Variants in MYO9A observed in about 807,000 individuals in gnomAD.
The protein encoded by MYO9A is myosin IXA.
A neutral mutation model predicts 293.3 loss-of-function variants in MYO9A; 103 were observed. The observed-to-expected ratio is 0.35, with a 90% CI of 0.30 to 0.41. The LOEUF (loss-of-function observed/expected upper bound fraction) is 0.41, where lower values mean the gene tolerates loss of function less well. Ranked by LOEUF, MYO9A falls within the 10% of genes least tolerant of loss-of-function variation. The pLI is 1.00. For missense variants in MYO9A, 2,685 were observed against 3,033.0 expected, an observed-to-expected ratio of 0.89 and a Z score of 2.69; for synonymous variants, 1,001 against 1,035.7, an observed-to-expected ratio of 0.97 and a Z score of 0.64.
chr15:71,855,823 ATC>A (rs1297862263), intron 34 of MYO9A, among the ~76,000 whole-genome samples: 1 of 152,206 alleles, frequency 6.6e-6, no homozygotes, highest in Non-Finnish European at 1.5e-5. Flanking sequence ...AGTATATATA[ATC>A]TGTTTTATTA....
At chr15:71,933,899 A>G (rs1227233700) in intron 17 of MYO9A, among the ~76,000 whole-genome samples, 190 bp from the exon 18 acceptor site, 1 of 152,148 alleles carries the variant, frequency 6.6e-6, no homozygotes, top group African/African-American at 2.4e-5. Context: ...GGAAGAATAA[A>G]CAAGGAAAAG....
In MYO9A at chr15:71,991,188, T is replaced by C; in HGVS notation, c.1637A>G (p.Asn546Ser). The change falls in exon 11 of 42, where the codon AAT (asparagine) becomes AGT (serine). Residue 546 changes from asparagine (N) to serine (S), a missense_variant. Around this residue, in one of 10 missense-constraint regions of MYO9A, gnomAD observed 201 missense variants for 245.2 expected, o/e 0.82. Coordinates refer to ENST00000356056, the MANE Select transcript of MYO9A (RefSeq NM_006901.4). ...LDIFGFEDYE[N>S]NSFEQFCINF... is the part of the protein sequence containing the mutation. ...AATACAGAACTGTTCAAAGCTGTTA[T>C]TTTCATAATCTTCAAACCCAAAAAT... 1.2e-6 allele frequency: 2 copies of C among 1,609,568 alleles called. No homozygotes were observed. Among genetic ancestry groups the C allele is most frequent in the African/African-American group, 1.3e-5 (1 of 74,912 alleles).
At chr15:71,984,261 T>C (rs1330329987) in intron 11 of MYO9A, among the ~76,000 whole-genome samples, 1 of 152,250 alleles carries the variant, frequency 6.6e-6, no homozygotes, top group African/African-American at 2.4e-5. Context: ...CAAGTTATGA[T>C]GCTTGGTAGT....
chr15:71,907,776 C>G (rs1012858594), intron 19 of MYO9A, among the ~76,000 whole-genome samples: 12 of 152,076 alleles, frequency 7.9e-5, no homozygotes, highest in African/African-American at 2.7e-4. Flanking sequence ...CCTTCACCCG[C>G]TTTTTGATGG....
intron 39 of MYO9A, among the ~76,000 whole-genome samples, chr15:71,840,867 G>C (rs1414506972): frequency 6.6e-6 from 1 of 152,182 alleles, no homozygotes; most frequent in Non-Finnish European, 1.5e-5. Flanking sequence ...TCCTGACCTC[G>C]TGATCCGCCC....
At chr15:72,035,181 GAAC>G (rs2078005020) in intron 2 of MYO9A, among the ~76,000 whole-genome samples, 2 of 152,240 alleles carry the variant, frequency 1.3e-5, no homozygotes, top group Admixed American at 6.5e-5. Flanking sequence ...CAAAATGGTA[GAAC>G]AACTCTGGAA....
chr15:71,855,902 T>C (rs147652736), intron 34 of MYO9A, among the ~76,000 whole-genome samples: 179 of 152,338 alleles, frequency 1.2e-3, no homozygotes, highest in African/African-American at 3.8e-3. Flanking sequence ...TTGAGTCTCA[T>C]ACTCAAGAAC....
intron 6 of MYO9A, 53 bp downstream of exon 6, chr15:72,018,986 C>T (rs1350760635): frequency 7.1e-7 from 1 of 1,413,068 alleles, no homozygotes; most frequent in Non-Finnish European, 1.0e-6. Context: ...TGCAAATGCG[C>T]AATGTGAGGA....
rs752140410 is a variant in MYO9A at position 71,825,094 on chromosome 15, T to TATCTC, written c.*1481_*1485dup. ...TTTAAAAATAAACATTTCACATACT[T>TATCTC]ATCTCAAGAAAGGCTATCATGTTTC... is the stretch of plus-strand genomic sequence containing the variant. On this transcript the variant is annotated 3_prime_UTR_variant, in exon 42 of 42. Coordinates refer to ENST00000356056, the MANE Select transcript of MYO9A (RefSeq NM_006901.4). 1 of 152,214 alleles carries TATCTC rather than the reference T, an allele frequency of 6.6e-6. No individual in the cohort carries two copies. Among genetic ancestry groups the TATCTC allele is most frequent in the Admixed American group, 6.5e-5 (1 of 15,286 alleles). 9.4% of individuals were successfully genotyped at this position (152,214 alleles called of 1,614,324 possible). A position where few individuals can be genotyped will look rare whatever the true frequency, so the allele number is the denominator to read the frequency against.
chr15:71,840,371 C>T (rs558046116), intron 39 of MYO9A, among the ~76,000 whole-genome samples: 2 of 152,156 alleles, frequency 1.3e-5, no homozygotes, highest in South Asian at 2.1e-4. Flanking sequence ...GGCTCCCACA[C>T]GAGGATGATC....
At chr15:71,975,533 T>G (rs1256441422) in intron 12 of MYO9A, among the ~76,000 whole-genome samples, 1 of 151,416 alleles carries the variant, frequency 6.6e-6, no homozygotes, top group South Asian at 2.1e-4. Context: ...GTCACAGGAG[T>G]GCTTTAGGTC....
At chr15:72,025,832 C>A (rs1226253381) in intron 4 of MYO9A, among the ~76,000 whole-genome samples, 1 of 152,062 alleles carries the variant, frequency 6.6e-6, no homozygotes, top group African/African-American at 2.4e-5. Flanking sequence ...ACACTCCAGT[C>A]AACATAAGGA....
chr15:72,000,770 G>A (rs534629917), intron 8 of MYO9A, among the ~76,000 whole-genome samples: 1 of 152,156 alleles, frequency 6.6e-6, no homozygotes, highest in Non-Finnish European at 1.5e-5. Context: ...CTCCCAAGCA[G>A]CTGGGACTAC....
chr15:71,911,558 T>C (rs1411295980), intron 19 of MYO9A, among the ~76,000 whole-genome samples: 9 of 152,158 alleles, frequency 5.9e-5, no homozygotes, highest in African/African-American at 2.2e-4. Context: ...AGTAGCAGCT[T>C]TACCAGTAAG....
Position 72,046,243 on chromosome 15 carries a change from C to T in MYO9A, c.321G>A (p.Leu107=), listed in dbSNP as rs895150999. The T allele has an allele frequency of 3.1e-6, 5 of 1,613,744 alleles. No homozygotes were observed. The African/African-American group carries it at 6.7e-5, about 22-fold the overall frequency. ...RLSGEDYRFL[L]REKNLDGSIH... is the part of the protein sequence containing the mutation. ...TTGATCCATCAAGGTTTTTCTCTCT[C>T]AGAAGGAAGCGGTAGTCCTCTCCAC... Residue 107 remains leucine, a synonymous_variant, in exon 2 of 42, where the codon CTG becomes CTA. Coordinates refer to ENST00000356056, the MANE Select transcript of MYO9A (RefSeq NM_006901.4).
chr15:72,085,084 G>A (rs2079673009), intron 1 of MYO9A, among the ~76,000 whole-genome samples: 1 of 152,088 alleles, frequency 6.6e-6, no homozygotes, highest in African/African-American at 2.4e-5. Flanking sequence ...TCCTCAGCTT[G>A]ACCTATTCTG....
At chr15:72,077,090 G>A (rs577861007) in intron 1 of MYO9A, among the ~76,000 whole-genome samples, 1 of 151,252 alleles carries the variant, frequency 6.6e-6, no homozygotes, top group Non-Finnish European at 1.5e-5. Context: ...AAAATGGATC[G>A]CATATCTGAG....
intron 18 of MYO9A, among the ~76,000 whole-genome samples, chr15:71,933,134 T>C (rs989127972): frequency 1.3e-5 from 2 of 152,166 alleles, no homozygotes; most frequent in African/African-American, 4.8e-5. Flanking sequence ...TGTGAAAAAT[T>C]ATATAAAATT....
At chr15:72,103,530 AAGCAGAAGC>A (rs898583405) in intron 1 of MYO9A, among the ~76,000 whole-genome samples, 13 of 150,560 alleles carry the variant, frequency 8.6e-5, no homozygotes, top group African/African-American at 1.9e-4. Context: ...GAAGCAGTGG[AAGCAGAAGC>A]AGCAGAAGCA....
Sources: gnomAD v4.1 joint callset for allele counts (sites outside exome capture counted in the v4.1 genomes callset) on GRCh38, gnomAD v4.1.1 for gene constraint, gnomAD v4.1.1 regional missense constraint, MANE v1.5 for transcripts, NCBI Gene and HGNC (gene_info 2026-07-23, HGNC 2026-07-21) for gene names.